The following LPIN2 variants were observed in gnomAD, a reference collection of about 807,000 sequenced individuals.
LPIN2 encodes lipin 2, also known as phosphatidate phosphatase LPIN2.
Under a neutral mutation model 111.4 loss-of-function variants are expected in LPIN2, and 55 were observed. That is an observed-to-expected ratio of 0.49 (90% confidence interval 0.40 to 0.62). The LOEUF (loss-of-function observed/expected upper bound fraction) is 0.62, where lower values mean the gene tolerates loss of function less well. Among genes scored for constraint, LPIN2 ranks in the 20% least tolerant of loss-of-function variants. The pLI, the probability that LPIN2 is intolerant of heterozygous loss-of-function variation, is 0.00. For synonymous variants in LPIN2, 425 were observed against 414.0 expected (o/e 1.03, Z -0.32); for missense variants, 992 against 1,112.1 (o/e 0.89, Z 1.54).
At chr18:2,964,152 G>A (rs770951283) in intron 1 of LPIN2, among the ~76,000 whole-genome samples, 7 of 151,276 alleles carry the variant, frequency 4.6e-5, no homozygotes, top group Non-Finnish European at 1.0e-4. Flanking sequence ...GCGTGATGGC[G>A]TGCGCCTGTA....
At chr18:3,012,428 CAG>C (rs1393485671) in intron 1 of LPIN2, among the ~76,000 whole-genome samples, 1 of 152,208 alleles carries the variant, frequency 6.6e-6, no homozygotes, top group Non-Finnish European at 1.5e-5. Context: ...TAGAAGTGGA[CAG>C]AGAGGCTCTC....
intron 4 of LPIN2, chr18:2,946,484 G>T: frequency 1.9e-6 from 3 of 1,556,528 alleles, no homozygotes; most frequent in Non-Finnish European, 1.8e-6. Flanking sequence ...GTCGGAATTG[G>T]TCTCAGGATC....
chr18:2,989,200 G>A (rs1479197276), intron 1 of LPIN2, among the ~76,000 whole-genome samples: 1 of 152,152 alleles, frequency 6.6e-6, no homozygotes, highest in Non-Finnish European at 1.5e-5. Flanking sequence ...AAACCAGCTA[G>A]AGCTCAAGAT....
intron 1 of LPIN2, among the ~76,000 whole-genome samples, chr18:3,007,016 C>A (rs999832109): frequency 5.2e-5 from 7 of 135,444 alleles, no homozygotes; most frequent in African/African-American, 2.5e-4. Flanking sequence ...AAAAAAAAAA[C>A]AGCATTTGTT....
intron 1 of LPIN2, among the ~76,000 whole-genome samples, chr18:2,969,009 T>G (rs1390470945): frequency 6.6e-6 from 1 of 152,082 alleles, no homozygotes; most frequent in Non-Finnish European, 1.5e-5. Context: ...TGAACCAACT[T>G]AGAGATATGG....
Position 2,937,978 on chromosome 18 carries a change from T to C in LPIN2, c.882A>G (p.Glu294=). Residue 294 remains glutamate, a synonymous_variant, in exon 7 of 20, where the codon GAA becomes GAG. Transcript: ENST00000677752. Reference sequence around the variant, plus strand: ...TGGGAATTACCCGAAAATGAGTATTTTCTGATGGTGTAATTGTAGCTGTCC... The same window carrying C: ...TGGGAATTACCCGAAAATGAGTATTCTCTGATGGTGTAATTGTAGCTGTCC... ...HPRTATITPS[E]NTHFRVIPSE... is the part of the protein sequence containing the mutation. The C allele has an allele frequency of 1.9e-6, 3 of 1,614,196 alleles. No homozygotes were observed. Among genetic ancestry groups the C allele is most frequent in the Non-Finnish European group, 2.5e-6 (3 of 1,180,036 alleles).
At chr18:2,944,958 A>G (rs1189341725) in intron 4 of LPIN2, among the ~76,000 whole-genome samples, 4 of 152,230 alleles carry the variant, frequency 2.6e-5, no homozygotes, top group African/African-American at 4.8e-5. Flanking sequence ...TAAAAATTCA[A>G]GTAGTTGTAA....
At chr18:2,965,779 C>A (rs893780552) in intron 1 of LPIN2, among the ~76,000 whole-genome samples, 1 of 149,794 alleles carries the variant, frequency 6.7e-6, no homozygotes, top group Non-Finnish European at 1.5e-5. Flanking sequence ...AATACCAATC[C>A]CCCTCCTACA....
chr18:2,920,917 A>C (rs748327883), intron 18 of LPIN2, 36 bp from the exon 19 acceptor site: 2 of 1,305,450 alleles, frequency 1.5e-6, no homozygotes, highest in African/African-American at 2.9e-5. Context: ...GATTCCAGGG[A>C]GGAGAATTCA....
chr18:2,996,775 C>T (rs368479946), intron 1 of LPIN2, among the ~76,000 whole-genome samples: 1 of 152,056 alleles, frequency 6.6e-6, no homozygotes, highest in African/African-American at 2.4e-5. Flanking sequence ...CCACGCTCGA[C>T]CAATATCTTT....
chr18:2,954,760 A>G (rs1191515791), intron 2 of LPIN2, among the ~76,000 whole-genome samples, 161 bp from the exon 3 acceptor site: 1 of 152,222 alleles, frequency 6.6e-6, no homozygotes, highest in African/African-American at 2.4e-5. Context: ...CCAACCCCTA[A>G]GAAGCCAAAT....
rs2077008728 is a variant in LPIN2 at position 2,918,933 on chromosome 18, C to T, written c.*1360G>A. On this transcript the variant is annotated 3_prime_UTR_variant, in exon 20 of 20. Coordinates refer to ENST00000677752, the MANE Select transcript of LPIN2 (RefSeq NM_001375808.2). ...AGATCCCTCTCTGCTCAGGAACCACCACGTCCTGTGTTCTCGCCAATGGAG... is the reference window on the plus strand; with the variant it reads ...AGATCCCTCTCTGCTCAGGAACCACTACGTCCTGTGTTCTCGCCAATGGAG... The T allele has an allele frequency of 6.6e-6, 1 of 152,188 alleles. No individual in the cohort carries two copies. Among genetic ancestry groups the T allele is most frequent in the Admixed American group, 6.5e-5 (1 of 15,268 alleles). The allele number at this position is 152,188 out of a possible 1,614,324, so 9.4% of individuals were successfully genotyped here.
At chr18:2,997,528 T>C (rs1434209348) in intron 1 of LPIN2, among the ~76,000 whole-genome samples, 1 of 152,210 alleles carries the variant, frequency 6.6e-6, no homozygotes, top group African/African-American at 2.4e-5. Flanking sequence ...CAGGCCACTA[T>C]GCCTATAACT....
chr18:2,970,183 G>A (rs186770462), intron 1 of LPIN2, among the ~76,000 whole-genome samples: 2 of 152,078 alleles, frequency 1.3e-5, no homozygotes, highest in Non-Finnish European at 2.9e-5. Flanking sequence ...TTCTGTTTGG[G>A]AATTTAAACA....
At chr18:3,002,632 C>G (rs1345811098) in intron 1 of LPIN2, among the ~76,000 whole-genome samples, 1 of 152,160 alleles carries the variant, frequency 6.6e-6, no homozygotes, top group Non-Finnish European at 1.5e-5. Context: ...TACAAGATTT[C>G]TAACTTTGGC....
At chr18:2,943,895 T>G (rs138375840) in intron 4 of LPIN2, among the ~76,000 whole-genome samples, 2 of 152,204 alleles carry the variant, frequency 1.3e-5, no homozygotes, top group Non-Finnish European at 1.5e-5. Context: ...CTAATGGTAG[T>G]AGAATGATAT....
chr18:2,938,976 G>A (rs983359612), intron 6 of LPIN2, among the ~76,000 whole-genome samples: 2 of 152,178 alleles, frequency 1.3e-5, no homozygotes, highest in East Asian at 1.9e-4. Context: ...CTGATATAGC[G>A]AGACCTTGTC....
intron 3 of LPIN2, among the ~76,000 whole-genome samples, chr18:2,952,087 C>T (rs1461178062): frequency 1.3e-5 from 2 of 152,138 alleles, no homozygotes; most frequent in South Asian, 4.1e-4. Context: ...TTGTTTCATT[C>T]CTTTTTGTAT....
intron 17 of LPIN2, 130 bp downstream of exon 17, chr18:2,921,917 G>C (rs897908392): frequency 1.3e-5 from 17 of 1,289,132 alleles, no homozygotes; most frequent in Non-Finnish European, 1.8e-5. Flanking sequence ...ACACCACCAG[G>C]GACCAAAGAA....
Sources: gnomAD v4.1 joint callset for allele counts (sites outside exome capture counted in the v4.1 genomes callset) on GRCh38, gnomAD v4.1.1 for gene constraint, MANE v1.5 for transcripts, NCBI Gene and HGNC (gene_info 2026-07-23, HGNC 2026-07-21) for gene names.